Variants in PCDH9 observed in about 807,000 individuals in gnomAD.
PCDH9 encodes protocadherin 9.
In PCDH9, 24 loss-of-function variants were observed where a neutral mutation model predicts 70.6. The observed-to-expected ratio is 0.34, with a 90% CI of 0.25 to 0.48. The LOEUF (loss-of-function observed/expected upper bound fraction) is 0.48. Ranked by LOEUF, PCDH9 falls within the 20% of genes least tolerant of loss-of-function variation. The pLI is 0.99. For missense variants in PCDH9, 1,281 were observed against 1,503.6 expected (o/e 0.85, Z 2.45); for synonymous variants, 562 against 558.5 (o/e 1.01, Z -0.09).
intron 3 of PCDH9, among the ~76,000 whole-genome samples, chr13:66,757,702 T>C (rs867117899): frequency 8.3e-4 from 126 of 152,244 alleles, no homozygotes; most frequent in African/African-American, 2.8e-3. Flanking sequence ...TTCTGACTAC[T>C]ATAGAAATAA....
chr13:66,371,692 T>A (rs1956656917), intron 4 of PCDH9, among the ~76,000 whole-genome samples: 1 of 152,070 alleles, frequency 6.6e-6, no homozygotes, highest in African/African-American at 2.4e-5. Context: ...AGCTCTTAAT[T>A]TTAAATTGAG....
At chr13:66,530,428 T>C (rs2138631005) in intron 4 of PCDH9, among the ~76,000 whole-genome samples, 1 of 152,220 alleles carries the variant, frequency 6.6e-6, no homozygotes, top group African/African-American at 2.4e-5. Flanking sequence ...ATTATGTCCA[T>C]AGTTATACCT....
intron 4 of PCDH9, among the ~76,000 whole-genome samples, chr13:66,491,384 A>AC (rs1566366713): frequency 1.5e-3 from 28 of 19,050 alleles, no homozygotes; most frequent in Non-Finnish European, 2.8e-3. Flanking sequence ...GGCAGGAGAT[A>AC]TTGTGTGTGT....
chr13:66,493,980 C>T lies in PCDH9; in HGVS notation c.3340+137230G>A, dbSNP rs896760819. 5.3e-5 allele frequency among the ~76,000 whole-genome samples: 8 copies of T among 151,862 alleles called. No homozygotes were observed. The East Asian group carries it at 1.5e-3, about 29-fold the overall frequency. ...TAATGATAACAATAGCAATATTAAA[C>T]CATGATTATGTTGAATAACTGGTTC... On this transcript the variant is annotated intron_variant, in intron 4 of 4. Coordinates refer to ENST00000377865, the MANE Select transcript of PCDH9 (RefSeq NM_203487.3).
At chr13:66,522,308 T>A (rs17505147) in intron 4 of PCDH9, among the ~76,000 whole-genome samples, 1 of 151,828 alleles carries the variant, frequency 6.6e-6, no homozygotes, top group Admixed American at 6.6e-5. Context: ...AAAAATTACA[T>A]TGTCGTATGG....
chr13:66,480,794 G>C (rs1184022102), intron 4 of PCDH9, among the ~76,000 whole-genome samples: 1 of 152,098 alleles, frequency 6.6e-6, no homozygotes, highest in Non-Finnish European at 1.5e-5. Context: ...ATTTGACCCA[G>C]CAATCCCATT....
chr13:66,615,743 A>C (rs2077347887), intron 4 of PCDH9, among the ~76,000 whole-genome samples: 1 of 152,254 alleles, frequency 6.6e-6, no homozygotes, highest in African/African-American at 2.4e-5. Context: ...TTTGGTTGGA[A>C]TATTACTGAT....
At chr13:67,223,838 T>C in intron 2 of PCDH9, 1 of 152,148 alleles carries the variant, frequency 6.6e-6, no homozygotes, top group East Asian at 1.9e-4. Context: ...TTTAAAACGC[T>C]CTACTGTTTA....
chr13:66,740,518 C>CA lies in PCDH9; in HGVS notation c.3139-109108dup, dbSNP rs1229502944. Reference sequence around the variant, plus strand: ...AGCAGAACTGAAGGAAATAGAGACACAAAAAACCCTTCAAAAAATTAATGA... The same window carrying CA: ...AGCAGAACTGAAGGAAATAGAGACACAAAAAAACCCTTCAAAAAATTAATGA... On this transcript the variant is annotated intron_variant, in intron 3 of 4. Coordinates refer to ENST00000377865, the MANE Select transcript of PCDH9 (RefSeq NM_203487.3). 6.3e-5 allele frequency among the ~76,000 whole-genome samples: 9 copies of CA among 143,200 alleles called. No individual in the cohort carries two copies. The Admixed American group carries it at 6.4e-4, about 10-fold the overall frequency. 93.9% of individuals were successfully genotyped at this position (143,200 alleles called of 152,430 possible).
intron 4 of PCDH9, among the ~76,000 whole-genome samples, chr13:66,520,854 A>T (rs1192033945): frequency 6.6e-6 from 1 of 152,168 alleles, no homozygotes; most frequent in Non-Finnish European, 1.5e-5. Flanking sequence ...CTTCCAGGAC[A>T]GAGGAGAATG....
At chr13:66,431,716 A>G (rs890028444) in intron 4 of PCDH9, among the ~76,000 whole-genome samples, 2 of 152,012 alleles carry the variant, frequency 1.3e-5, no homozygotes, top group African/African-American at 4.8e-5. Context: ...CAAAACCAAG[A>G]CACCCACAGA....
intron 3 of PCDH9, among the ~76,000 whole-genome samples, chr13:66,870,000 C>A (rs577004908): frequency 4.6e-5 from 7 of 152,100 alleles, no homozygotes; most frequent in South Asian, 2.1e-4. Flanking sequence ...CCTTGCCCAT[C>A]CCTATGTCCT....
intron 4 of PCDH9, among the ~76,000 whole-genome samples, chr13:66,364,111 C>T (rs76857383): frequency 0.03 from 4,498 of 151,972 alleles, 180 homozygotes; most frequent in East Asian, 0.19. Flanking sequence ...GCCAAGACCA[C>T]GCCATTGCAC....
At chr13:66,838,433 T>C (rs2081060522) in intron 3 of PCDH9, among the ~76,000 whole-genome samples, 1 of 152,128 alleles carries the variant, frequency 6.6e-6, no homozygotes, top group Admixed American at 6.5e-5. Context: ...GAATTGTCTA[T>C]AAATAAAATA....
chr13:67,206,721 CAG>C (rs1230321560), intron 2 of PCDH9: 7 of 152,120 alleles, frequency 4.6e-5, no homozygotes, highest in African/African-American at 1.7e-4. Context: ...CAAATTTGTG[CAG>C]AGATGCCTGG....
At chr13:67,109,609 A>C (rs990487721) in intron 2 of PCDH9, among the ~76,000 whole-genome samples, 2 of 152,230 alleles carry the variant, frequency 1.3e-5, no homozygotes, top group East Asian at 3.8e-4. Flanking sequence ...ATTTGAATAA[A>C]AGTCTCTATA....
At chr13:66,832,357 A>AC (rs1215399981) in intron 3 of PCDH9, among the ~76,000 whole-genome samples, 2 of 152,080 alleles carry the variant, frequency 1.3e-5, no homozygotes, top group African/African-American at 4.8e-5. Context: ...CACTGCAAAA[A>AC]TTTACACACT....
intron 4 of PCDH9, among the ~76,000 whole-genome samples, chr13:66,622,255 G>A (rs566623100): frequency 1.3e-5 from 2 of 152,302 alleles, no homozygotes; most frequent in South Asian, 2.1e-4. Flanking sequence ...CTGTGCGGCC[G>A]AGGAGCCTAC....
rs61959369 is a variant in PCDH9, at chr13:67,098,786, T to C, written c.3036+126619A>G. Reference sequence around the variant, plus strand: ...GAATAATATAGAAAAGAAATAATAATGCAGAAAAGAAATAATGAAGAAAAG... The same window carrying C: ...GAATAATATAGAAAAGAAATAATAACGCAGAAAAGAAATAATGAAGAAAAG... On this transcript the variant is annotated intron_variant, in intron 2 of 4. Coordinates refer to ENST00000377865, the MANE Select transcript of PCDH9 (RefSeq NM_203487.3). Among the ~76,000 whole-genome samples the C allele has an allele frequency of 7.0e-3, 1,058 of 151,266 alleles. 6 individuals carry two copies. The highest frequency in any genetic ancestry group is 0.011 in the Non-Finnish European group (760 of 67,784).
Sources: allele counts gnomAD v4.1 joint callset (sites outside exome capture counted in the v4.1 genomes callset), GRCh38; gene constraint gnomAD v4.1.1; transcripts MANE v1.5; gene names NCBI Gene and HGNC (gene_info 2026-07-23, HGNC 2026-07-21).